The following L3MBTL2 variants were observed in gnomAD, a reference collection of about 807,000 sequenced individuals.
The protein encoded by L3MBTL2 is lethal(3)malignant brain tumor-like protein 2.
In L3MBTL2, 49 loss-of-function variants were observed where a neutral mutation model predicts 86.4. The ratio of observed to expected loss-of-function variants is 0.57; its 90% CI spans 0.45 to 0.72. L3MBTL2 has a LOEUF of 0.72. Ranked by LOEUF, L3MBTL2 falls within the 30% of genes least tolerant of loss-of-function variation. The pLI is 0.00. For synonymous variants in L3MBTL2, 336 were observed against 350.6 expected, an observed-to-expected ratio of 0.96 and a Z score of 0.47; for missense variants, 755 against 923.7, an observed-to-expected ratio of 0.82 and a Z score of 2.37.
chr22:41,208,317 A>G, intron 1 of L3MBTL2: 1 of 445,986 alleles, frequency 2.2e-6, no homozygotes, highest in South Asian at 1.6e-5. Flanking sequence ...TTTTGTAGAG[A>G]TGGGGTGTGG....
chr22:41,224,272 G>A lies in L3MBTL2; in HGVS notation c.1174+21G>A. ...GTCAGGTTAGCAGAGCCCCAGGCCA[G>A]AGGGACTGCATGCTGTGCTTCCCCA... On this transcript the variant is annotated intron_variant, in intron 9 of 16. Coordinates refer to ENST00000216237, the MANE Select transcript of L3MBTL2 (RefSeq NM_031488.5). The surrounding 1 kb of genome is among the most constrained non-coding windows in gnomAD (Gnocchi z 4.9). 6.3e-7 allele frequency: 1 copy of A among 1,583,542 alleles called. No homozygotes were observed. The highest frequency in any genetic ancestry group is 8.7e-7 in the Non-Finnish European group (1 of 1,154,508).
At chr22:41,205,559 C>T (rs994390134) in intron 1 of L3MBTL2, among the ~76,000 whole-genome samples, 173 bp downstream of exon 1, 8 of 152,146 alleles carry the variant, frequency 5.3e-5, no homozygotes, top group African/African-American at 7.2e-5. Flanking sequence ...CTTTTTGCCC[C>T]TCTCCTGCTG....
Position 41,224,275 on chromosome 22 carries a change from G to A in L3MBTL2, c.1174+24G>A. On this transcript the variant is annotated intron_variant, in intron 9 of 16. Transcript: ENST00000216237. This position sits in a 1 kb window ranked among gnomAD's most constrained non-coding sequence, Gnocchi z 4.9. ...AGGTTAGCAGAGCCCCAGGCCAGAGGGACTGCATGCTGTGCTTCCCCAGGG... is the reference window on the plus strand; with the variant it reads ...AGGTTAGCAGAGCCCCAGGCCAGAGAGACTGCATGCTGTGCTTCCCCAGGG... 6.3e-7 allele frequency: 1 copy of A among 1,575,936 alleles called. No individual in the cohort carries two copies. The highest frequency in any genetic ancestry group is 8.7e-7 in the Non-Finnish European group (1 of 1,148,180).
intron 12 of L3MBTL2, among the ~76,000 whole-genome samples, chr22:41,226,363 A>G (rs1245591151): frequency 6.6e-6 from 1 of 152,176 alleles, no homozygotes; most frequent in Non-Finnish European, 1.5e-5. Flanking sequence ...TTCAGGGTGT[A>G]TGGGAAAGGT....
At chr22:41,215,746 AT>A (rs1317369662) in intron 3 of L3MBTL2, among the ~76,000 whole-genome samples, 1 of 152,006 alleles carries the variant, frequency 6.6e-6, no homozygotes, top group Non-Finnish European at 1.5e-5. Context: ...TCTCCCAAAC[AT>A]TCGCGTATGT....
In L3MBTL2 at chr22:41,224,906, G is replaced by T. The variant is rs1453250631; in HGVS notation, c.1252-61G>T. Reference sequence around the variant, plus strand: ...ACCATCCCTTTCCCTCCTGAGGCCTGCTTCCCTCACCCTTCCTCCTGGCCT... The same window carrying T: ...ACCATCCCTTTCCCTCCTGAGGCCTTCTTCCCTCACCCTTCCTCCTGGCCT... On this transcript the variant is annotated intron_variant, in intron 10 of 16. Coordinates refer to ENST00000216237, the MANE Select transcript of L3MBTL2 (RefSeq NM_031488.5). This position sits in a 1 kb window ranked among gnomAD's most constrained non-coding sequence, Gnocchi z 4.9. 4 of 1,568,050 alleles carry T rather than the reference G, an allele frequency of 2.6e-6. No individual in the cohort carries two copies.
chr22:41,216,110 C>T, intron 3 of L3MBTL2, 29 bp from the exon 4 acceptor site: 1 of 1,597,734 alleles, frequency 6.3e-7, no homozygotes, highest in Non-Finnish European at 8.5e-7. Flanking sequence ...AGCCGCCAGG[C>T]TACACATAGC....
rs747102386 is a variant in L3MBTL2, at chr22:41,224,499, GC to G, written c.1175-225del. On this transcript the variant is annotated intron_variant, in intron 9 of 16. Transcript: ENST00000216237. The surrounding 1 kb of genome is among the most constrained non-coding windows in gnomAD (Gnocchi z 4.9). The stretch of plus-strand genomic sequence containing the variant: ...GATCCTCTCCCCTGTCAATGCGGGA[GC>G]AGTCTGGGTTTCGAGGGCTGAAGAG... Among the ~76,000 whole-genome samples the G allele has an allele frequency of 6.6e-6, 1 of 152,196 alleles. No homozygotes were observed.
At chr22:41,220,671 A>AC in intron 6 of L3MBTL2, 63 bp from the exon 7 acceptor site, 2 of 1,516,340 alleles carry the variant, frequency 1.3e-6, no homozygotes, top group South Asian at 1.3e-5. Flanking sequence ...AAAAAAAAAA[A>AC]AAAACAGAAC....
At chr22:41,206,893 G>C (rs774235758) in intron 1 of L3MBTL2, among the ~76,000 whole-genome samples, 2 of 152,044 alleles carry the variant, frequency 1.3e-5, no homozygotes, top group Admixed American at 6.6e-5. Context: ...TTTCTGCAAG[G>C]GTAAACGAGA....
At chr22:41,229,041 T>G (rs1165409858) in intron 15 of L3MBTL2, among the ~76,000 whole-genome samples, 2 of 151,944 alleles carry the variant, frequency 1.3e-5, no homozygotes, top group African/African-American at 4.8e-5. Context: ...GAGGATCTCT[T>G]GAGCCCAAGA....
At chr22:41,211,734 A>AT (rs200967632) in intron 2 of L3MBTL2, among the ~76,000 whole-genome samples, 60,449 of 137,934 alleles carry the variant, frequency 0.44, 13,172 homozygotes, top group African/African-American at 0.58. Context: ...TTTTTTTTGT[A>AT]TTTTAGTAGA....
chr22:41,207,237 T>C (rs2030299700), intron 1 of L3MBTL2, among the ~76,000 whole-genome samples: 1 of 105,476 alleles, frequency 9.5e-6, no homozygotes, highest in South Asian at 2.7e-4. Flanking sequence ...CCCCAAATCC[T>C]TTTTTTTTTT....
chr22:41,220,252 C>A (rs1317823196), intron 6 of L3MBTL2, among the ~76,000 whole-genome samples: 1 of 152,220 alleles, frequency 6.6e-6, no homozygotes, highest in Non-Finnish European at 1.5e-5. Flanking sequence ...AATTAACTCT[C>A]AGCACCATTC....
At chr22:41,213,139 C>T (rs969393786) in intron 2 of L3MBTL2, among the ~76,000 whole-genome samples, 2 of 152,142 alleles carry the variant, frequency 1.3e-5, no homozygotes, top group African/African-American at 4.8e-5. Context: ...ATGGCGTGAA[C>T]CCGGGAGGCA....
Position 41,227,461 on chromosome 22 carries a change from C to T in L3MBTL2, c.1822+138C>T, listed in dbSNP as rs2032266585. 4 of 1,184,552 alleles carry T rather than the reference C, an allele frequency of 3.4e-6. No homozygotes were observed. In the Admixed American group the frequency reaches 6.0e-5, roughly 18 times the overall value. 73.4% of individuals were successfully genotyped at this position (1,184,552 alleles called of 1,614,324 possible). On this transcript the variant is annotated intron_variant, in intron 14 of 16. Transcript: ENST00000216237. This position sits in a 1 kb window ranked among gnomAD's most constrained non-coding sequence, Gnocchi z 6.0. ...TGGACCACTTTAAGTAGAGAGTGAG[C>T]CCCGTCACCCAGCCCCTGCTCCTGA... is the stretch of plus-strand genomic sequence containing the variant.
chr22:41,218,626 T>A (rs939032907), intron 5 of L3MBTL2: 1 of 152,222 alleles, frequency 6.6e-6, no homozygotes, highest in African/African-American at 2.4e-5. Context: ...TATTTTATTT[T>A]ATTTATTTTT....
At chr22:41,211,731 T>C (rs894054006) in intron 2 of L3MBTL2, among the ~76,000 whole-genome samples, 1 of 116,500 alleles carries the variant, frequency 8.6e-6, no homozygotes, top group African/African-American at 3.9e-5. Context: ...TAATTTTTTT[T>C]GTATTTTAGT....
At chr22:41,217,768 C>A (rs751224230) in intron 5 of L3MBTL2, 1 of 153,384 alleles carries the variant, frequency 6.5e-6, no homozygotes, top group African/African-American at 2.4e-5. Flanking sequence ...TTTGTCTTCA[C>A]ACCACGTCCC....
Sources: allele counts gnomAD v4.1 joint callset (sites outside exome capture counted in the v4.1 genomes callset), GRCh38; gene constraint gnomAD v4.1.1; non-coding constraint Gnocchi (gnomAD v3.1); transcripts MANE v1.5; gene names NCBI Gene and HGNC (gene_info 2026-07-23, HGNC 2026-07-21).